The following FARP1 variants were observed in gnomAD, a reference collection of about 807,000 sequenced individuals.
FARP1 encodes FERM, ARHGEF and pleckstrin domain-containing protein 1.
FARP1 carries 52 observed loss-of-function variants against 128.8 expected under a neutral mutation model. The ratio of observed to expected loss-of-function variants is 0.40; its 90% CI spans 0.32 to 0.51. FARP1 has a LOEUF of 0.51. Ranked by LOEUF, FARP1 falls within the 20% of genes least tolerant of loss-of-function variation. The pLI is 0.45. For missense variants in FARP1, 1,333 were observed against 1,367.9 expected, an observed-to-expected ratio of 0.97 and a Z score of 0.40; for synonymous variants, 580 against 551.8, an observed-to-expected ratio of 1.05 and a Z score of -0.72.
At position 98,395,313 on chromosome 13, in the gene FARP1, T is replaced by G; in HGVS notation, c.1251T>G (p.Val417=). The change falls in exon 13 of 27, where the codon GTT becomes GTG. Residue 417 remains valine, a synonymous_variant. Transcript: ENST00000319562. ...GCCGGCGAGGAAAGGAACCGAAGGT[T>G]TCCGCCGGGGAGCCGGGGTCGCACC... is the stretch of plus-strand genomic sequence containing the variant. ...QSCRRGKEPK[V]SAGEPGSHPS... 2 of 1,610,536 alleles carry G rather than the reference T, an allele frequency of 1.2e-6. No individual in the cohort carries two copies. The highest frequency in any genetic ancestry group is 1.7e-6 in the Non-Finnish European group (2 of 1,177,690).
At chr13:98,223,589 G>A (rs1201772602) in intron 2 of FARP1, among the ~76,000 whole-genome samples, 2 of 152,168 alleles carry the variant, frequency 1.3e-5, no homozygotes, top group Non-Finnish European at 2.9e-5. Flanking sequence ...GCCTCCCAAA[G>A]TCCTGGAATT....
At chr13:98,313,265 AC>A (rs1886568295) in intron 2 of FARP1, among the ~76,000 whole-genome samples, 1 of 150,666 alleles carries the variant, frequency 6.6e-6, no homozygotes, top group African/African-American at 2.4e-5. Context: ...ACACACACAC[AC>A]ACACACACTC....
In FARP1 at chr13:98,409,298, A is replaced by G. The variant is rs1382579289; in HGVS notation, c.1415-40A>G. On this transcript the variant is annotated intron_variant, in intron 13 of 26. Transcript: ENST00000319562. ...AATAGAAATCAGGTCCCAGAAAAAA[A>G]TTACTTTTTTTTTCTTTAAAACTTC... The G allele has an allele frequency of 2.9e-6, 4 of 1,386,386 alleles. No individual in the cohort carries two copies. In the South Asian group the frequency reaches 4.0e-5, roughly 14 times the overall value. The allele number at this position is 1,386,386 out of a possible 1,614,324, so 85.9% of individuals were successfully genotyped here. A position where few individuals can be genotyped will look rare whatever the true frequency, so the allele number is the denominator to read the frequency against.
Position 98,377,816 on chromosome 13 carries a change from C to T in FARP1, c.399-5C>T, listed in dbSNP as rs754362294. The stretch of plus-strand genomic sequence containing the variant: ...CCTGACGCCCAGCTCTGTTGATCTT[C>T]GCAGGTACCTGTTCGCGCTGCAGGT... On this transcript the variant is annotated splice_polypyrimidine_tract_variant and splice_region_variant and intron_variant, in intron 5 of 26. Coordinates refer to ENST00000319562, the MANE Select transcript of FARP1 (RefSeq NM_005766.4). The T allele has an allele frequency of 8.1e-6, 13 of 1,612,238 alleles. No homozygotes were observed. Among genetic ancestry groups the T allele is most frequent in the South Asian group, 3.3e-5 (3 of 91,050 alleles).
chr13:98,208,069 C>A (rs1328444181), intron 1 of FARP1, among the ~76,000 whole-genome samples: 2 of 151,862 alleles, frequency 1.3e-5, no homozygotes, highest in African/African-American at 4.8e-5. Flanking sequence ...TCTCTCAAGG[C>A]TAATGAGTGA....
chr13:98,314,508 G>C (rs1886639265), intron 2 of FARP1, among the ~76,000 whole-genome samples: 1 of 151,978 alleles, frequency 6.6e-6, no homozygotes, highest in African/African-American at 2.4e-5. Flanking sequence ...TCGATCTCTT[G>C]ACCTCATGAT....
At chr13:98,353,423 G>C (rs1157243393) in intron 3 of FARP1, among the ~76,000 whole-genome samples, 1 of 152,168 alleles carries the variant, frequency 6.6e-6, no homozygotes, top group Admixed American at 6.5e-5. Context: ...TTGTTGCCCA[G>C]GCTGGAGTGG....
chr13:98,379,811 T>C (rs1440738780), intron 6 of FARP1, among the ~76,000 whole-genome samples: 3 of 152,222 alleles, frequency 2.0e-5, no homozygotes, highest in Non-Finnish European at 2.9e-5. Context: ...ATGTTTGGTA[T>C]AGATGCAGTA....
chr13:98,178,670 T>C (rs554947536), intron 1 of FARP1, among the ~76,000 whole-genome samples: 28 of 152,224 alleles, frequency 1.8e-4, no homozygotes, highest in Non-Finnish European at 3.2e-4. Context: ...GAATGGAAGA[T>C]GAGATTCAGC....
chr13:98,168,289 C>A (rs1444223070), intron 1 of FARP1, among the ~76,000 whole-genome samples: 1 of 152,114 alleles, frequency 6.6e-6, no homozygotes, highest in African/African-American at 2.4e-5. Flanking sequence ...CATGTATATA[C>A]CATAACTAAT....
At chr13:98,423,419 GT>G (rs1353346704) in intron 16 of FARP1, among the ~76,000 whole-genome samples, 4 of 152,182 alleles carry the variant, frequency 2.6e-5, no homozygotes, top group African/African-American at 9.6e-5. Flanking sequence ...AGTTTTGTTT[GT>G]TTGTTTGTTT....
At chr13:98,275,426 C>T (rs771565316) in intron 2 of FARP1, among the ~76,000 whole-genome samples, 4 of 149,964 alleles carry the variant, frequency 2.7e-5, no homozygotes, top group Non-Finnish European at 5.9e-5. Context: ...ACAGGATTGG[C>T]CATGAGTTGA....
intron 1 of FARP1, among the ~76,000 whole-genome samples, chr13:98,144,418 A>G (rs1241189079): frequency 6.6e-6 from 1 of 152,128 alleles, no homozygotes; most frequent in Admixed American, 6.5e-5. Flanking sequence ...GTCATCTGGA[A>G]CAGTTTAGCA....
intron 3 of FARP1, among the ~76,000 whole-genome samples, chr13:98,363,301 C>A (rs750935286): frequency 5.9e-5 from 9 of 152,178 alleles, no homozygotes; most frequent in African/African-American, 2.2e-4. Flanking sequence ...CCTTTGAGAT[C>A]TTAGCACAGG....
intron 23 of FARP1, 141 bp downstream of exon 23, chr13:98,440,376 C>A: frequency 2.9e-6 from 2 of 693,932 alleles, no homozygotes; most frequent in Non-Finnish European, 4.9e-6. Flanking sequence ...CAAGACAGTT[C>A]TTTTTCCTAA....
intron 6 of FARP1, among the ~76,000 whole-genome samples, chr13:98,378,159 A>C (rs1456861615): frequency 6.6e-6 from 1 of 152,256 alleles, no homozygotes; most frequent in East Asian, 1.9e-4. Context: ...TTCAAGGACT[A>C]GTACGCAGTT....
intron 2 of FARP1, among the ~76,000 whole-genome samples, chr13:98,298,295 G>A (rs1035872664): frequency 3.3e-5 from 5 of 152,178 alleles, no homozygotes; most frequent in African/African-American, 9.7e-5. Flanking sequence ...CATTGCCTTG[G>A]GATCACACAT....
At chr13:98,412,330 T>G (rs1212845034) in intron 16 of FARP1, among the ~76,000 whole-genome samples, 1 of 152,206 alleles carries the variant, frequency 6.6e-6, no homozygotes, top group African/African-American at 2.4e-5. Flanking sequence ...CAATAGGGAT[T>G]ATAAAGAGTA....
At chr13:98,326,506 G>A (rs1887240517) in intron 2 of FARP1, among the ~76,000 whole-genome samples, 3 of 152,070 alleles carry the variant, frequency 2.0e-5, no homozygotes, top group Admixed American at 2.0e-4. Context: ...TTTGTTTTCT[G>A]TTTCTGCGAA....
Sources: allele counts gnomAD v4.1 joint callset (sites outside exome capture counted in the v4.1 genomes callset), GRCh38; gene constraint gnomAD v4.1.1; transcripts MANE v1.5; gene names NCBI Gene and HGNC (gene_info 2026-07-23, HGNC 2026-07-21).